Variants in LHFPL3 observed in about 807,000 individuals in gnomAD.
LHFPL3 encodes the protein LHFPL tetraspan subfamily member 3 protein.
In LHFPL3, 5 loss-of-function variants were observed where a neutral mutation model predicts 19.3. The ratio of observed to expected loss-of-function variants is 0.26; its 90% CI spans 0.14 to 0.54. The LOEUF (loss-of-function observed/expected upper bound fraction) is 0.54. LHFPL3 is among the 20% of genes least tolerant of loss of function. The pLI, the probability that LHFPL3 is intolerant of heterozygous loss-of-function variation, is 0.94. For synonymous variants in LHFPL3, 133 were observed against 126.2 expected (o/e 1.05, Z -0.36); for missense variants, 249 against 307.4 (o/e 0.81, Z 1.42).
chr7:104,667,864 G>T (rs1298245208), intron 1 of LHFPL3: 13 of 1,611,980 alleles, frequency 8.1e-6, no homozygotes, highest in Non-Finnish European at 9.3e-6. Flanking sequence ...AAACCAGTCA[G>T]CTGGGCTGAT....
intron 1 of LHFPL3, among the ~76,000 whole-genome samples, chr7:104,483,581 G>A (rs553241599): frequency 6.6e-6 from 1 of 152,256 alleles, no homozygotes; most frequent in East Asian, 1.9e-4. Context: ...TTCAAGTGAT[G>A]TAGTAAGAAT....
At chr7:104,562,033 G>A (rs1157416562) in intron 1 of LHFPL3, among the ~76,000 whole-genome samples, 8 of 152,000 alleles carry the variant, frequency 5.3e-5, no homozygotes, top group African/African-American at 7.2e-5. Context: ...TGGCTTGTAG[G>A]GTTTCTGCTG....
intron 2 of LHFPL3, chr7:104,895,022 T>C (rs574882320): frequency 1.3e-5 from 2 of 152,156 alleles, no homozygotes; most frequent in African/African-American, 2.4e-5. Context: ...TTCCCAAATA[T>C]GCAGGTGATC....
At chr7:104,716,090 T>G (rs1793381086) in intron 1 of LHFPL3, among the ~76,000 whole-genome samples, 1 of 152,196 alleles carries the variant, frequency 6.6e-6, no homozygotes, top group African/African-American at 2.4e-5. Flanking sequence ...GGCTCATGCC[T>G]GTAATCCCAG....
intron 1 of LHFPL3, among the ~76,000 whole-genome samples, chr7:104,408,882 T>TTTTTTTTTTTGG (rs1344463058): frequency 6.8e-6 from 1 of 147,666 alleles, no homozygotes; most frequent in Admixed American, 6.8e-5. Flanking sequence ...TTTTTTTTTT[T>TTTTTTTTTTTGG]GAGACGGAGT....
intron 1 of LHFPL3, among the ~76,000 whole-genome samples, chr7:104,631,138 G>A (rs1046972795): frequency 6.6e-5 from 10 of 151,962 alleles, no homozygotes. Context: ...CATCATCCTA[G>A]CTAACAACAA....
chr7:104,415,960 C>T (rs1216446978), intron 1 of LHFPL3, among the ~76,000 whole-genome samples: 1 of 152,122 alleles, frequency 6.6e-6, no homozygotes, highest in Non-Finnish European at 1.5e-5. Flanking sequence ...CAGTACATAC[C>T]ACCTATTATG....
At chr7:104,835,332 G>T (rs371043407) in intron 2 of LHFPL3, among the ~76,000 whole-genome samples, 2 of 151,994 alleles carry the variant, frequency 1.3e-5, no homozygotes, top group East Asian at 1.9e-4. Flanking sequence ...TGATTTTTAG[G>T]TTTGTTCTTC....
chr7:104,668,905 C>T, intron 1 of LHFPL3: 2 of 1,612,324 alleles, frequency 1.2e-6, no homozygotes, highest in Non-Finnish European at 1.7e-6. Flanking sequence ...GAAGTTGCAG[C>T]GTCAGCTGGA....
intron 1 of LHFPL3, among the ~76,000 whole-genome samples, chr7:104,363,494 G>A (rs1277770704): frequency 1.3e-5 from 2 of 152,254 alleles, no homozygotes; most frequent in Non-Finnish European, 2.9e-5. Flanking sequence ...GCATGCAGGT[G>A]ATGAGGTGGC....
At chr7:104,451,334 G>A (rs1792433190) in intron 1 of LHFPL3, among the ~76,000 whole-genome samples, 1 of 152,200 alleles carries the variant, frequency 6.6e-6, no homozygotes, top group South Asian at 2.1e-4. Context: ...GGTTAAGATA[G>A]CTGAAGAAGC....
chr7:104,618,816 G>T (rs572571597), intron 1 of LHFPL3, among the ~76,000 whole-genome samples: 14 of 152,280 alleles, frequency 9.2e-5, no homozygotes, highest in African/African-American at 3.4e-4. Context: ...CTTGGCCAAG[G>T]TCCCACAGTC....
At chr7:104,369,142 G>T (rs988379729) in intron 1 of LHFPL3, among the ~76,000 whole-genome samples, 1 of 152,096 alleles carries the variant, frequency 6.6e-6, no homozygotes, top group Non-Finnish European at 1.5e-5. Context: ...GTTGTAATAT[G>T]ATCACCATAA....
At chr7:104,845,297 C>T in intron 2 of LHFPL3, 1 of 770,262 alleles carries the variant, frequency 1.3e-6, no homozygotes, top group Non-Finnish European at 2.2e-6. Context: ...CCAGGAATGA[C>T]GTTGTCAGTT....
chr7:104,566,994 C>A (rs1790136584), intron 1 of LHFPL3, among the ~76,000 whole-genome samples: 1 of 152,162 alleles, frequency 6.6e-6, no homozygotes, highest in Non-Finnish European at 1.5e-5. Context: ...GTCAGCCTCC[C>A]TTGATGACTA....
At chr7:104,362,786 G>T (rs2116412729) in intron 1 of LHFPL3, among the ~76,000 whole-genome samples, 1 of 152,330 alleles carries the variant, frequency 6.6e-6, no homozygotes, top group South Asian at 2.1e-4. Flanking sequence ...TGGGCATGGG[G>T]CTAGGGAATG....
At chr7:104,663,845 A>G (rs990746795) in intron 1 of LHFPL3, among the ~76,000 whole-genome samples, 22 of 152,200 alleles carry the variant, frequency 1.4e-4, no homozygotes, top group African/African-American at 4.6e-4. Context: ...GTGCTCAACT[A>G]TCACTCACTC....
intron 1 of LHFPL3, among the ~76,000 whole-genome samples, chr7:104,478,700 G>C (rs1181856137): frequency 2.6e-5 from 4 of 152,206 alleles, no homozygotes; most frequent in Non-Finnish European, 5.9e-5. Flanking sequence ...GGGAGACTCA[G>C]ATAAATACTT....
At chr7:104,547,519 T>C (rs541383796) in intron 1 of LHFPL3, among the ~76,000 whole-genome samples, 3 of 152,178 alleles carry the variant, frequency 2.0e-5, no homozygotes, top group East Asian at 1.9e-4. Flanking sequence ...GAGGTTGCAG[T>C]CAATTAATAT....
Sources: gnomAD v4.1 joint callset for allele counts (sites outside exome capture counted in the v4.1 genomes callset) on GRCh38, gnomAD v4.1.1 for gene constraint, MANE v1.5 for transcripts, NCBI Gene and HGNC (gene_info 2026-07-23, HGNC 2026-07-21) for gene names.